NUDCD1: variants seen among roughly 807,000 people sequenced by gnomAD.
NUDCD1 encodes the protein NudC domain containing 1.
NUDCD1 carries 60 observed loss-of-function variants against 67.8 expected under a neutral mutation model. That is an observed-to-expected ratio of 0.88 (90% CI 0.72 to 1.10). NUDCD1 has a LOEUF of 1.10. Among genes scored for constraint, NUDCD1 ranks in the 50% least tolerant of loss-of-function variants. The pLI, the probability that NUDCD1 is intolerant of heterozygous loss-of-function variation, is 0.00. For synonymous variants in NUDCD1, 244 were observed against 230.8 expected (o/e 1.06, Z -0.52); for missense variants, 643 against 695.0 (o/e 0.93, Z 0.84).
intron 1 of NUDCD1, among the ~76,000 whole-genome samples, chr8:109,326,814 C>T (rs1370177221): frequency 6.6e-6 from 1 of 152,234 alleles, no homozygotes; most frequent in Admixed American, 6.5e-5. Flanking sequence ...TGAATATCTA[C>T]TATATGTACC....
At chr8:109,276,373 C>T (rs1040023745) in intron 6 of NUDCD1, among the ~76,000 whole-genome samples, 4 of 152,196 alleles carry the variant, frequency 2.6e-5, no homozygotes, top group Admixed American at 6.5e-5. Flanking sequence ...TATTCCACAA[C>T]AAAGCAACCT....
chr8:109,327,943 A>T (rs1431147138), intron 1 of NUDCD1, among the ~76,000 whole-genome samples: 1 of 152,210 alleles, frequency 6.6e-6, no homozygotes, highest in Non-Finnish European at 1.5e-5. Context: ...AGCCCTTTTC[A>T]ATTGTTTCTA....
intron 2 of NUDCD1, among the ~76,000 whole-genome samples, chr8:109,307,130 G>A (rs1313556069): frequency 6.6e-6 from 1 of 152,180 alleles, no homozygotes; most frequent in African/African-American, 2.4e-5. Flanking sequence ...CACAAAAGAA[G>A]TGAAAATAGC....
chr8:109,258,484 C>T (rs1328945372), intron 8 of NUDCD1, among the ~76,000 whole-genome samples: 1 of 151,924 alleles, frequency 6.6e-6, no homozygotes, highest in East Asian at 1.9e-4. Flanking sequence ...GTGTGAGGGG[C>T]AGTCTCCCTA....
intron 5 of NUDCD1, among the ~76,000 whole-genome samples, chr8:109,287,546 C>G (rs1015024342): frequency 6.6e-6 from 1 of 152,058 alleles, no homozygotes; most frequent in East Asian, 1.9e-4. Flanking sequence ...GAACAGAAAA[C>G]CAAATACCAC....
rs999666836 is a variant in NUDCD1 at position 109,334,036 on chromosome 8, A to AT, written c.-27dup. 1.2e-6 allele frequency: 2 copies of AT among 1,613,988 alleles called. No individual in the cohort carries two copies. On this transcript the variant is annotated 5_prime_UTR_variant, in exon 1 of 10. Coordinates refer to ENST00000239690, the MANE Select transcript of NUDCD1 (RefSeq NM_032869.4). ...CGCTTTCCAGGGCCGCAGCGTGAGA[A>AT]TTAATAAAGCCCTTGTTGAAAGGTC... is the stretch of plus-strand genomic sequence containing the variant.
chr8:109,291,713 CA>C (rs1029541131), intron 4 of NUDCD1, among the ~76,000 whole-genome samples: 85 of 152,220 alleles, frequency 5.6e-4, no homozygotes, highest in African/African-American at 1.9e-3. Context: ...TCTATAACTA[CA>C]ATCTTGGGAG....
At chr8:109,310,909 A>C (rs908536186) in intron 2 of NUDCD1, among the ~76,000 whole-genome samples, 1 of 136,550 alleles carries the variant, frequency 7.3e-6, no homozygotes, top group South Asian at 2.3e-4. Flanking sequence ...TCCGTCTCCC[A>C]GGTTCAAGTG....
rs1554613487 is a variant in NUDCD1, at chr8:109,275,411, C to CTCT, written c.1111_1113dup (p.Arg371dup). On this transcript the variant is annotated inframe_insertion, in exon 7 of 10. Transcript: ENST00000239690. ...GCTATTGCAGCACACTGGGCTGAATCTCTTATAAGTTCCCCTTGTTTATCT... is the reference window on the plus strand; with the variant it reads ...GCTATTGCAGCACACTGGGCTGAATCTCTTCTTATAAGTTCCCCTTGTTTATCT... 6.8e-6 allele frequency: 11 copies of CTCT among 1,613,676 alleles called. No homozygotes were observed. In the South Asian group the frequency reaches 1.2e-4, roughly 18 times the overall value.
intron 2 of NUDCD1, among the ~76,000 whole-genome samples, chr8:109,309,168 TAC>T (rs1282856291): frequency 6.6e-6 from 1 of 151,360 alleles, no homozygotes; most frequent in Non-Finnish European, 1.5e-5. Context: ...AAAAGAAAAC[TAC>T]AGAGAGATAT....
chr8:109,293,080 GTTAAA>G (rs1814746361), intron 4 of NUDCD1, among the ~76,000 whole-genome samples: 1 of 151,720 alleles, frequency 6.6e-6, no homozygotes. Context: ...AAATATACCC[GTTAAA>G]TTATTCAAAA....
intron 2 of NUDCD1, chr8:109,316,309 T>C (rs1237396912): frequency 6.6e-6 from 1 of 152,188 alleles, no homozygotes; most frequent in African/African-American, 2.4e-5. Flanking sequence ...AAGGAGAGTA[T>C]TCTGTCTTTA....
At chr8:109,329,776 T>C (rs2130156528) in intron 1 of NUDCD1, 2 of 1,542,042 alleles carry the variant, frequency 1.3e-6, no homozygotes, top group East Asian at 2.5e-5. Context: ...AGCTGTTTAA[T>C]TTGTGAGACA....
intron 1 of NUDCD1, among the ~76,000 whole-genome samples, chr8:109,333,040 GTC>G (rs1256659359): frequency 1.1e-4 from 17 of 152,210 alleles, no homozygotes; most frequent in Non-Finnish European, 2.2e-4. Flanking sequence ...TACGGAAGGT[GTC>G]TTGTTCATTT....
intron 2 of NUDCD1, among the ~76,000 whole-genome samples, chr8:109,312,272 G>A (rs992568080): frequency 7.7e-6 from 1 of 130,558 alleles, no homozygotes; most frequent in Non-Finnish European, 1.5e-5. Context: ...CTGCACTCCA[G>A]CCCGGGCAAC....
chr8:109,270,523 C>T (rs527390828), intron 8 of NUDCD1, among the ~76,000 whole-genome samples: 2 of 152,034 alleles, frequency 1.3e-5, no homozygotes, highest in South Asian at 4.2e-4. Context: ...ATAAATATCC[C>T]TGGAAATAGA....
At chr8:109,280,827 T>C (rs1814417443) in intron 6 of NUDCD1, 141 bp downstream of exon 6, 1 of 463,126 alleles carries the variant, frequency 2.2e-6, no homozygotes. Flanking sequence ...ACAGTAATTC[T>C]ATTTTTAATA....
chr8:109,333,683 G>A (rs1019566680), intron 1 of NUDCD1, among the ~76,000 whole-genome samples: 2 of 152,198 alleles, frequency 1.3e-5, no homozygotes, highest in Admixed American at 6.5e-5. Context: ...GGGGGCCCAG[G>A]GTCCCGTTAC....
chr8:109,297,249 T>C (rs1451551871), intron 2 of NUDCD1, among the ~76,000 whole-genome samples: 4 of 152,342 alleles, frequency 2.6e-5, no homozygotes, highest in Middle Eastern at 3.4e-3. Flanking sequence ...TCAAAATGCC[T>C]ACAGAGACAC....
Sources: gnomAD v4.1 joint callset for allele counts (sites outside exome capture counted in the v4.1 genomes callset) on GRCh38, gnomAD v4.1.1 for gene constraint, MANE v1.5 for transcripts, NCBI Gene and HGNC (gene_info 2026-07-23, HGNC 2026-07-21) for gene names.